Variants in TLN2 observed in about 807,000 individuals in gnomAD.
TLN2 encodes talin-2.
Under a neutral mutation model 294.7 loss-of-function variants are expected in TLN2, and 118 were observed. The observed-to-expected ratio is 0.40, with a 90% CI of 0.34 to 0.47. The LOEUF (loss-of-function observed/expected upper bound fraction) is 0.47, where lower values mean the gene tolerates loss of function less well. Among genes scored for constraint, TLN2 ranks in the 20% least tolerant of loss-of-function variants. TLN2 has a pLI of 0.84. For synonymous variants in TLN2, 1,431 were observed against 1,304.5 expected (o/e 1.10, Z -2.09); for missense variants, 3,083 against 3,282.2 (o/e 0.94, Z 1.48).
At chr15:62,621,561 G>T (rs1039487567) in intron 3 of TLN2, among the ~76,000 whole-genome samples, 3 of 152,188 alleles carry the variant, frequency 2.0e-5, no homozygotes, top group Admixed American at 1.3e-4. Flanking sequence ...GAGAAGTTCA[G>T]GTCCTCATGC....
chr15:62,780,384 A>T (rs2064054895), intron 43 of TLN2, among the ~76,000 whole-genome samples: 1 of 152,114 alleles, frequency 6.6e-6, no homozygotes, highest in Non-Finnish European at 1.5e-5. Context: ...GTTGATTTTT[A>T]CTGTAACCAT....
intron 1 of TLN2, among the ~76,000 whole-genome samples, chr15:62,427,296 T>C (rs1392302576): frequency 6.6e-6 from 1 of 152,204 alleles, no homozygotes; most frequent in Non-Finnish European, 1.5e-5. Context: ...GAGTAGTTTG[T>C]GGGTCCAGCA....
chr15:62,488,513 G>T (rs911818506), intron 1 of TLN2, among the ~76,000 whole-genome samples: 1 of 152,146 alleles, frequency 6.6e-6, no homozygotes, highest in East Asian at 1.9e-4. Flanking sequence ...GATCCAGTGG[G>T]ACTACACTGT....
chr15:62,656,212 C>A, intron 8 of TLN2, 126 bp downstream of exon 8: 1 of 1,225,122 alleles, frequency 8.2e-7, no homozygotes. Context: ...CCAGCAGGCG[C>A]TGCTCGTGGG....
intron 1 of TLN2, among the ~76,000 whole-genome samples, chr15:62,459,749 G>A (rs1042988858): frequency 1.3e-5 from 2 of 152,140 alleles, no homozygotes; most frequent in African/African-American, 4.8e-5. Flanking sequence ...TCCTCCTGCT[G>A]AATGTGATCC....
chr15:62,527,888 AG>A, intron 1 of TLN2, among the ~76,000 whole-genome samples: 1 of 152,342 alleles, frequency 6.6e-6, no homozygotes, highest in Non-Finnish European at 1.5e-5. Flanking sequence ...CCATTATGAT[AG>A]ATTTCCTCCT....
chr15:62,836,041 G>T lies in TLN2; in HGVS notation c.7342G>T (p.Asp2448Tyr). Residue 2448 changes from aspartate to tyrosine, a missense_variant, in exon 57 of 59, where the codon GAC (aspartate) becomes TAC (tyrosine). Transcript: ENST00000636159. ...GCTGGTGGCCTGCAAGGTGAAGGCC[G>T]ACCAGGATTCAGAGGCCATGAGGCG... ...QLLVACKVKA[D>Y]QDSEAMRRLQ... is the part of the protein sequence containing the mutation. The T allele has an allele frequency of 6.2e-7, 1 of 1,611,870 alleles. No individual in the cohort carries two copies. The highest frequency in any genetic ancestry group is 1.1e-5 in the South Asian group (1 of 90,612).
intron 52 of TLN2, 99 bp downstream of exon 52, chr15:62,810,131 G>C (rs2066580316): frequency 1.0e-6 from 1 of 982,710 alleles, no homozygotes; most frequent in Non-Finnish European, 1.6e-6. Context: ...CTCTCTCAGA[G>C]CCCTGTCCAT....
At chr15:62,546,840 A>G (rs59272399) in intron 1 of TLN2, among the ~76,000 whole-genome samples, 24,910 of 152,150 alleles carry the variant, frequency 0.16, 2,082 homozygotes, top group African/African-American at 0.19. Context: ...TGAGGAGAAC[A>G]AATCTCCTGG....
At chr15:62,575,656 T>A (rs2044327928) in intron 1 of TLN2, among the ~76,000 whole-genome samples, 1 of 152,158 alleles carries the variant, frequency 6.6e-6, no homozygotes, top group Non-Finnish European at 1.5e-5. Context: ...GTCCAACTTC[T>A]TCTCAGAAGA....
intron 58 of TLN2, among the ~76,000 whole-genome samples, chr15:62,839,503 C>T (rs1321080601): frequency 6.6e-6 from 1 of 152,220 alleles, no homozygotes; most frequent in Non-Finnish European, 1.5e-5. Context: ...ACAGAGAATG[C>T]TTTCCCTCTC....
intron 1 of TLN2, among the ~76,000 whole-genome samples, chr15:62,582,238 AC>A (rs2045160673): frequency 6.8e-6 from 1 of 146,244 alleles, no homozygotes; most frequent in Non-Finnish European, 1.5e-5. Flanking sequence ...ACACACACAC[AC>A]ACACACACAT....
intron 1 of TLN2, among the ~76,000 whole-genome samples, chr15:62,539,985 A>C (rs868783182): frequency 3.3e-5 from 5 of 152,226 alleles, no homozygotes; most frequent in Non-Finnish European, 5.9e-5. Flanking sequence ...GTAAATACTT[A>C]CACTACAATA....
At chr15:62,561,184 A>G (rs533124752) in intron 1 of TLN2, among the ~76,000 whole-genome samples, 17 of 152,356 alleles carry the variant, frequency 1.1e-4, no homozygotes, top group Admixed American at 1.1e-3. Context: ...CACCTAATCA[A>G]GGAAAGGAAT....
chr15:62,603,923 AAT>A (rs1043604340), intron 2 of TLN2, among the ~76,000 whole-genome samples: 37 of 152,316 alleles, frequency 2.4e-4, no homozygotes, highest in African/African-American at 7.9e-4. Context: ...CTCAACTACA[AAT>A]ATTTGAGGCT....
intron 1 of TLN2, among the ~76,000 whole-genome samples, chr15:62,473,434 T>G (rs561474615): frequency 1.3e-5 from 2 of 152,260 alleles, no homozygotes; most frequent in African/African-American, 4.8e-5. Context: ...CATGAACATC[T>G]GCGGAGCCAA....
chr15:62,579,552 C>T (rs779909499), intron 1 of TLN2, among the ~76,000 whole-genome samples: 2 of 152,154 alleles, frequency 1.3e-5, no homozygotes, highest in Non-Finnish European at 2.9e-5. Flanking sequence ...TTGTTTCTTC[C>T]TGTTGCATTT....
intron 3 of TLN2, among the ~76,000 whole-genome samples, chr15:62,621,056 G>A (rs1394625154): frequency 1.3e-5 from 2 of 150,072 alleles, no homozygotes; most frequent in South Asian, 2.1e-4. Flanking sequence ...AGCCAGGATG[G>A]TCTCGATCTC....
intron 1 of TLN2, among the ~76,000 whole-genome samples, chr15:62,448,443 T>G (rs944366183): frequency 6.6e-6 from 1 of 152,254 alleles, no homozygotes; most frequent in Non-Finnish European, 1.5e-5. Context: ...TGAGCTTCAC[T>G]TCTGGATTCG....
Sources: gnomAD v4.1 joint callset for allele counts (sites outside exome capture counted in the v4.1 genomes callset) on GRCh38, gnomAD v4.1.1 for gene constraint, MANE v1.5 for transcripts, NCBI Gene and HGNC (gene_info 2026-07-23, HGNC 2026-07-21) for gene names.